The following PBRM1 variants were observed in gnomAD, a reference collection of about 807,000 sequenced individuals.
The protein encoded by PBRM1 is protein polybromo-1.
PBRM1 carries 27 observed loss-of-function variants against 194.5 expected under a neutral mutation model. The ratio of observed to expected loss-of-function variants is 0.14; its 90% CI spans 0.10 to 0.19. The LOEUF (loss-of-function observed/expected upper bound fraction) is 0.19. Among genes scored for constraint, PBRM1 ranks in the 10% least tolerant of loss-of-function variants. PBRM1 has a pLI of 1.00. For synonymous variants in PBRM1, 655 were observed against 693.2 expected (o/e 0.94, Z 0.87); for missense variants, 1,466 against 2,077.2 (o/e 0.71, Z 5.72).
chr3:52,624,924 T>C (rs1020842354), intron 13 of PBRM1: 1 of 1,548,174 alleles, frequency 6.5e-7, no homozygotes, highest in Non-Finnish European at 8.7e-7. Flanking sequence ...ACCCAACATC[T>C]CACTGTCATG....
chr3:52,644,752 T>C (rs2153732258), exon 8 of PBRM1: 4 of 1,550,090 alleles, frequency 2.6e-6, no homozygotes, highest in Non-Finnish European at 3.6e-6. Context: ...AATTTCAGCC[T>C]TTTTCATATA....
chr3:52,546,076 G>GA (rs2079642308), downstream of PBRM1: 2 of 233,074 alleles, frequency 8.6e-6, no homozygotes, highest in Non-Finnish European at 1.7e-5. Context: ...TAGGCACTGG[G>GA]AAGGAGCCTG....
chr3:52,595,493 T>C (rs953870566), intron 17 of PBRM1, among the ~76,000 whole-genome samples: 6 of 152,262 alleles, frequency 3.9e-5, no homozygotes, highest in Non-Finnish European at 7.3e-5. Context: ...GGGAAATGTA[T>C]ATTCAGGTCT....
At chr3:52,588,733 T>C (rs568654946) in intron 18 of PBRM1, among the ~76,000 whole-genome samples, 4 of 152,052 alleles carry the variant, frequency 2.6e-5, no homozygotes, top group African/African-American at 9.6e-5. Context: ...TTTTTGTATC[T>C]TTTTAGTAGA....
intron 15 of PBRM1, 134 bp downstream of exon 17, chr3:52,615,217 C>T (rs1360162453): frequency 1.8e-6 from 1 of 565,246 alleles, no homozygotes; most frequent in African/African-American, 1.9e-5. Context: ...GAGGGCTTGA[C>T]AAGAACAAAG....
In PBRM1 at chr3:52,617,552, G is replaced by A. The variant is rs2153492277; in HGVS notation, c.1542-14C>T. 1 of 1,573,596 alleles carries A rather than the reference G, an allele frequency of 6.4e-7. No homozygotes were observed. The highest frequency in any genetic ancestry group is 1.4e-5 in the African/African-American group (1 of 73,240). On this transcript the variant is annotated splice_polypyrimidine_tract_variant and intron_variant, in intron 13 of 29. Transcript: ENST00000296302. ...ATGTTCTTTTTACTGTTGAGGGGGA[G>A]GTAGAAAAGGGGAAAAATTAGAATA...
chr3:52,596,480 A>G (rs1446462429), intron 17 of PBRM1, among the ~76,000 whole-genome samples: 4 of 137,642 alleles, frequency 2.9e-5, no homozygotes, highest in Non-Finnish European at 4.7e-5. Flanking sequence ...AAAAAAAAAA[A>G]GAAATGTATC....
At chr3:52,628,230 A>T (rs995245550) in intron 12 of PBRM1, among the ~76,000 whole-genome samples, 2 of 151,928 alleles carry the variant, frequency 1.3e-5, no homozygotes, top group African/African-American at 4.8e-5. Context: ...AAATGATGGA[A>T]TATCATCGGT....
At chr3:52,625,007 T>A in intron 13 of PBRM1, 66 bp from the exon 15 acceptor site, 1 of 1,055,308 alleles carries the variant, frequency 9.5e-7, no homozygotes, top group Admixed American at 2.0e-5. Context: ...GAGGGTCATG[T>A]ACAAACCATG....
intron 20 of PBRM1, among the ~76,000 whole-genome samples, chr3:52,580,446 C>T (rs1560039327): frequency 6.6e-6 from 1 of 152,118 alleles, no homozygotes; most frequent in Non-Finnish European, 1.5e-5. Context: ...GCAAGCTCCG[C>T]CTCCCGGGTT....
upstream of PBRM1, among the ~76,000 whole-genome samples, chr3:52,680,934 A>G (rs548656067): frequency 3.2e-3 from 469 of 145,728 alleles, 2 homozygotes; most frequent in African/African-American, 6.9e-3. Context: ...AAGCTAAAAG[A>G]AAAAAAAAGA....
At position 52,643,353 on chromosome 3, in the gene PBRM1, G is replaced by A. The variant is rs772984815; in HGVS notation, c.900-10C>T. ...CAAGTTGGATGGAGTCCTATCCAGA[G>A]ATAAGATAAAAAGCTTAGAAACTTG... is the stretch of plus-strand genomic sequence containing the variant. On this transcript the variant is annotated splice_polypyrimidine_tract_variant and intron_variant, in intron 8 of 29. Transcript: ENST00000296302. 6.3e-7 allele frequency: 1 copy of A among 1,590,308 alleles called. No homozygotes were observed. The highest frequency in any genetic ancestry group is 1.3e-5 in the African/African-American group (1 of 74,564).
chr3:52,632,514 C>A (rs769298905), intron 11 of PBRM1, among the ~76,000 whole-genome samples: 4 of 151,942 alleles, frequency 2.6e-5, no homozygotes, highest in Non-Finnish European at 5.9e-5. Context: ...CCCAGAGGTT[C>A]GAGTTGATCA....
At chr3:52,648,408 T>C (rs1366553381) in exon 7 of PBRM1, 14 of 1,608,436 alleles carry the variant, frequency 8.7e-6, no homozygotes, top group Non-Finnish European at 1.2e-5. Context: ...ATCTATATCT[T>C]TGGCCATTGC....
chr3:52,565,081 C>CCCG (rs201569193), intron 22 of PBRM1, among the ~76,000 whole-genome samples: 28 of 143,800 alleles, frequency 1.9e-4, no homozygotes, highest in African/African-American at 7.8e-4. Context: ...CACCTGTACT[C>CCCG]CCAGCTACTC....
At chr3:52,683,780 T>G (rs1369160245), upstream of PBRM1, among the ~76,000 whole-genome samples, 1 of 69,416 alleles carries the variant, frequency 1.4e-5, no homozygotes, top group Non-Finnish European at 3.0e-5. Flanking sequence ...ATTGCGCCAC[T>G]GCACTCCAGG....
chr3:52,644,779 G>A (rs2096241154), exon 8 of PBRM1: 2 of 1,443,890 alleles, frequency 1.4e-6, no homozygotes, highest in African/African-American at 2.8e-5. Context: ...TTTTTTAATT[G>A]AATTTGCATC....
At chr3:52,619,174 G>A (rs536354190) in intron 13 of PBRM1, among the ~76,000 whole-genome samples, 5 of 152,202 alleles carry the variant, frequency 3.3e-5, no homozygotes, top group Admixed American at 1.3e-4. Flanking sequence ...GATTACAGGC[G>A]TGAGCCACTG....
intron 19 of PBRM1, among the ~76,000 whole-genome samples, chr3:52,587,140 G>C (rs1436002461): frequency 2.0e-5 from 3 of 152,056 alleles, no homozygotes; most frequent in Non-Finnish European, 4.4e-5. Flanking sequence ...TAACCTAACT[G>C]CATTATAGCC....
Sources: gnomAD v4.1 joint callset for allele counts (sites outside exome capture counted in the v4.1 genomes callset) on GRCh38, gnomAD v4.1.1 for gene constraint, MANE v1.5 for transcripts, NCBI Gene and HGNC (gene_info 2026-07-23, HGNC 2026-07-21) for gene names.